The following NBAS variants were observed in gnomAD, a reference collection of about 807,000 sequenced individuals.
NBAS encodes the protein NAG/BC035112 fusion.
NBAS carries 219 observed loss-of-function variants against 302.5 expected under a neutral mutation model. The ratio of observed to expected loss-of-function variants is 0.72; its 90% CI spans 0.65 to 0.81. The LOEUF (loss-of-function observed/expected upper bound fraction) is 0.81. NBAS is among the 30% of genes least tolerant of loss of function. The pLI is 0.00. For missense variants in NBAS, 2,932 were observed against 2,841.6 expected (o/e 1.03, Z -0.72); for synonymous variants, 1,118 against 1,021.6 (o/e 1.09, Z -1.80).
rs192676248 is a variant in NBAS, at chr2:15,397,088, G to C, written c.3072-613C>G. On this transcript the variant is annotated intron_variant, in intron 26 of 51. Coordinates refer to ENST00000281513, the MANE Select transcript of NBAS (RefSeq NM_015909.4). ...GCTTTCTGAGGAAGCCAGTAAGCAG[G>C]GACTAGGAGAAACACCGTCATGAAA... Among the ~76,000 whole-genome samples the C allele has an allele frequency of 3.4e-3, 517 of 152,310 alleles. 4 individuals are homozygous for C. Among genetic ancestry groups the C allele is most frequent in the Admixed American group, 1.0e-2 (153 of 15,304 alleles).
At chr2:15,397,652 A>G (rs1437857069) in intron 26 of NBAS, 2 of 554,020 alleles carry the variant, frequency 3.6e-6, no homozygotes, top group Admixed American at 4.2e-5. Context: ...GGCCTCCACT[A>G]TGTTTCAAAT....
intron 44 of NBAS, among the ~76,000 whole-genome samples, chr2:15,247,888 G>A (rs1668177210): frequency 6.6e-6 from 1 of 151,966 alleles, no homozygotes; most frequent in African/African-American, 2.4e-5. Context: ...GTCAATATTA[G>A]ATCAACGAGA....
At chr2:15,238,273 A>G (rs1667696981) in intron 45 of NBAS, among the ~76,000 whole-genome samples, 195 bp downstream of exon 45, 2 of 152,142 alleles carry the variant, frequency 1.3e-5, no homozygotes, top group Non-Finnish European at 2.9e-5. Context: ...GTGGCTTAAC[A>G]TCATTTTGAA....
At chr2:15,057,945 A>C in the NBAS span, among the ~76,000 whole-genome samples, 1 of 152,176 alleles carries the variant, frequency 6.6e-6, no homozygotes, top group African/African-American at 2.4e-5. Flanking sequence ...AAAAAATAGT[A>C]GATGTTGGCG....
At chr2:14,815,960 GC>G in the NBAS span, among the ~76,000 whole-genome samples, 1 of 152,070 alleles carries the variant, frequency 6.6e-6, no homozygotes, top group Admixed American at 6.5e-5. Context: ...TCCCAATCTA[GC>G]CCCCCTTTTT....
chr2:14,918,851 G>A, the NBAS span, among the ~76,000 whole-genome samples: 2 of 152,120 alleles, frequency 1.3e-5, no homozygotes, highest in South Asian at 4.2e-4. Context: ...GGTGTGGGGA[G>A]GAGAAATGTC....
downstream of NBAS, among the ~76,000 whole-genome samples, chr2:15,162,208 GTTGT>G (rs1663916140): frequency 6.6e-6 from 1 of 152,202 alleles, no homozygotes; most frequent in South Asian, 2.1e-4. Flanking sequence ...CAACAGGCGC[GTTGT>G]TTGTCAAGAC....
the NBAS span, among the ~76,000 whole-genome samples, chr2:14,986,314 A>G: frequency 2.6e-5 from 4 of 152,180 alleles, no homozygotes; most frequent in Non-Finnish European, 5.9e-5. Context: ...TCTCCTGCCA[A>G]CATATAGAGT....
intron 33 of NBAS, 145 bp from the exon 34 acceptor site, chr2:15,353,855 A>G (rs774199637): frequency 8.1e-6 from 8 of 991,552 alleles, no homozygotes; most frequent in Non-Finnish European, 1.2e-5. Flanking sequence ...TATAAGCAGA[A>G]ACAGATAAGA....
At chr2:14,986,229 GA>G in the NBAS span, among the ~76,000 whole-genome samples, 20,691 of 146,046 alleles carry the variant, frequency 0.14, 1,455 homozygotes, top group Middle Eastern at 0.21. Flanking sequence ...CATAATTGGG[GA>G]AAAAAAAAAA....
intron 44 of NBAS, among the ~76,000 whole-genome samples, chr2:15,258,775 C>T (rs1192510785): frequency 6.6e-6 from 1 of 152,134 alleles, no homozygotes; most frequent in Non-Finnish European, 1.5e-5. Context: ...TGCCCTTTGC[C>T]TTGTGATCTT....
At chr2:14,995,625 C>A in the NBAS span, among the ~76,000 whole-genome samples, 2 of 152,250 alleles carry the variant, frequency 1.3e-5, no homozygotes, top group Non-Finnish European at 2.9e-5. Context: ...TCAGCAAATG[C>A]AGACCACATG....
At chr2:15,496,154 G>C (rs916019782) in intron 11 of NBAS, among the ~76,000 whole-genome samples, 2 of 149,192 alleles carry the variant, frequency 1.3e-5, no homozygotes. Flanking sequence ...GCAATAAAAA[G>C]AAATGAAATA....
intron 9 of NBAS, among the ~76,000 whole-genome samples, chr2:15,527,820 CAT>C (rs1342869234): frequency 6.6e-6 from 1 of 152,122 alleles, no homozygotes; most frequent in Admixed American, 6.6e-5. Flanking sequence ...ATAGCAGTAA[CAT>C]ATAAGATAAT....
At chr2:14,806,281 A>G in the NBAS span, among the ~76,000 whole-genome samples, 1 of 152,110 alleles carries the variant, frequency 6.6e-6, no homozygotes, top group Non-Finnish European at 1.5e-5. Context: ...GAAGTTTATT[A>G]TCTCCACCAT....
the NBAS span, among the ~76,000 whole-genome samples, chr2:15,140,703 G>T: frequency 1.3e-5 from 2 of 152,208 alleles, no homozygotes; most frequent in African/African-American, 2.4e-5. Flanking sequence ...TGGTGGATAT[G>T]CTAGATGGGG....
intron 32 of NBAS, among the ~76,000 whole-genome samples, chr2:15,365,496 G>A (rs1674154536): frequency 6.6e-6 from 1 of 152,188 alleles, no homozygotes; most frequent in Non-Finnish European, 1.5e-5. Flanking sequence ...TGGAACTAAA[G>A]TAATTTAGCA....
intron 40 of NBAS, among the ~76,000 whole-genome samples, chr2:15,293,651 GA>G (rs5829496): frequency 7.4e-4 from 110 of 149,638 alleles, no homozygotes; most frequent in African/African-American, 2.6e-3. Flanking sequence ...GCAAATTAGA[GA>G]AAAAAAAAAG....
chr2:15,227,352 G>C (rs1667190078), intron 47 of NBAS, among the ~76,000 whole-genome samples: 2 of 152,076 alleles, frequency 1.3e-5, no homozygotes, highest in South Asian at 4.1e-4. Context: ...AAAAATGGAA[G>C]AGGACACAAA....
Sources: gnomAD v4.1 joint callset for allele counts (sites outside exome capture counted in the v4.1 genomes callset) on GRCh38, gnomAD v4.1.1 for gene constraint, MANE v1.5 for transcripts, NCBI Gene and HGNC (gene_info 2026-07-23, HGNC 2026-07-21) for gene names.